The following ARAP2 variants were observed in gnomAD, a reference collection of about 807,000 sequenced individuals.
ARAP2 encodes ArfGAP with RhoGAP domain, ankyrin repeat and PH domain 2.
In ARAP2, 148 loss-of-function variants were observed where a neutral mutation model predicts 194.5. That is an observed-to-expected ratio of 0.76 (90% CI 0.67 to 0.87). ARAP2 has a LOEUF of 0.87. Among genes scored for constraint, ARAP2 ranks in the 40% least tolerant of loss-of-function variants. The probability of loss-of-function intolerance (pLI) is 0.00; values close to 1 mark genes in which losing one functional copy is unlikely to be tolerated. For synonymous variants in ARAP2, 695 were observed against 683.5 expected, an observed-to-expected ratio of 1.02 and a Z score of -0.26; for missense variants, 2,128 against 1,989.7, an observed-to-expected ratio of 1.07 and a Z score of -1.32.
chr4:36,228,651 G>C lies in ARAP2; in HGVS notation c.836C>G (p.Ser279Cys). ...TCGATGTCTTAGCAGAAAAGATCGAGATGGTCTTGAAACCAACTTGCTACG... is the reference window on the plus strand; with the variant it reads ...TCGATGTCTTAGCAGAAAAGATCGACATGGTCTTGAAACCAACTTGCTACG... ...RSRSKLVSRP[S>C]RSFLLRHRPV... Residue 279 changes from serine (S) to cysteine (C), a missense_variant, in exon 2 of 33, where the codon TCT (serine) becomes TGT (cysteine). By Grantham distance (112) the Ser-to-Cys change is moderately radical (BLOSUM62 -1). Transcript: ENST00000303965. The C allele has an allele frequency of 1.2e-6, 2 of 1,614,086 alleles. No homozygotes were observed. The highest frequency in any genetic ancestry group is 1.7e-6 in the Non-Finnish European group (2 of 1,179,966).
chr4:36,117,981 C>A (rs903634697), intron 24 of ARAP2, among the ~76,000 whole-genome samples: 1 of 151,228 alleles, frequency 6.6e-6, no homozygotes, highest in Admixed American at 6.6e-5. Context: ...AACAGTATCA[C>A]CTGATTTAAA....
intron 2 of ARAP2, among the ~76,000 whole-genome samples, chr4:36,224,252 AAC>A (rs1487920180): frequency 6.6e-6 from 1 of 151,756 alleles, no homozygotes; most frequent in African/African-American, 2.4e-5. Context: ...AATAAATAAA[AAC>A]AGTTCTCACA....
chr4:36,147,734 A>C lies in ARAP2; in HGVS notation c.3013T>G (p.Leu1005Val). ...GCTTCTGTTAAGTTTTCAGCAAATA[A>C]GGGAACAAAATGCTGTTAAAACAAA... is the stretch of plus-strand genomic sequence containing the variant. ...TEAIAKHFVP[L>V]FAENLTEADY... Residue 1005 changes from leucine (L) to valine (V), a missense_variant, in exon 18 of 33, where the codon TTA (leucine) becomes GTA (valine). Coordinates refer to ENST00000303965, the MANE Select transcript of ARAP2 (RefSeq NM_015230.4). 6.2e-7 allele frequency: 1 copy of C among 1,606,626 alleles called. No individual in the cohort carries two copies.
At chr4:36,041,820 A>G (rs1354224495) in intron 5 of ARAP2, among the ~76,000 whole-genome samples, 1 of 152,214 alleles carries the variant, frequency 6.6e-6, no homozygotes, top group Non-Finnish European at 1.5e-5. Context: ...AGGTACATAT[A>G]CACCATGTAA....
At chr4:36,145,231 A>T (rs1426559011) in intron 19 of ARAP2, among the ~76,000 whole-genome samples, 1 of 151,994 alleles carries the variant, frequency 6.6e-6, no homozygotes, top group East Asian at 1.9e-4. Context: ...CTGAACTCAT[A>T]TGTTTATCAC....
chr4:36,022,455 C>A (rs1047228901), intron 5 of ARAP2, among the ~76,000 whole-genome samples: 1 of 151,998 alleles, frequency 6.6e-6, no homozygotes, highest in Admixed American at 6.6e-5. Context: ...ATGCTTTCAG[C>A]GAGCGGGGAG....
intron 20 of ARAP2, among the ~76,000 whole-genome samples, chr4:36,132,424 C>G (rs996264150): frequency 1.3e-5 from 2 of 151,746 alleles, no homozygotes; most frequent in Non-Finnish European, 2.9e-5. Context: ...TTCCTCTTTT[C>G]CACATTTGTG....
At chr4:36,156,285 A>T (rs921381817) in intron 15 of ARAP2, among the ~76,000 whole-genome samples, 2 of 139,198 alleles carry the variant, frequency 1.4e-5, no homozygotes, top group African/African-American at 5.3e-5. Flanking sequence ...AAGAAAAAGG[A>T]AGGAAGGAAA....
chr4:36,168,061 G>T (rs1021320750), intron 9 of ARAP2, among the ~76,000 whole-genome samples: 3 of 151,158 alleles, frequency 2.0e-5, no homozygotes, highest in Non-Finnish European at 4.4e-5. Context: ...ACTTGTTAGA[G>T]ACTGTGAAAG....
intron 21 of ARAP2, among the ~76,000 whole-genome samples, chr4:36,128,103 T>C (rs112752203): frequency 2.4e-4 from 37 of 152,088 alleles, no homozygotes; most frequent in African/African-American, 8.7e-4. Context: ...AATTGTTATA[T>C]ACACTAAAGA....
chr4:36,164,389 T>C (rs1312773270), intron 11 of ARAP2, among the ~76,000 whole-genome samples: 1 of 152,220 alleles, frequency 6.6e-6, no homozygotes, highest in East Asian at 1.9e-4. Flanking sequence ...TGTCAGGTTG[T>C]CCAGTGTGAG....
At chr4:36,227,734 C>T (rs980666762) in intron 2 of ARAP2, among the ~76,000 whole-genome samples, 9 of 152,078 alleles carry the variant, frequency 5.9e-5, no homozygotes, top group African/African-American at 2.2e-4. Flanking sequence ...TGAACAGCCT[C>T]GTGTCTCAGC....
intron 21 of ARAP2, among the ~76,000 whole-genome samples, chr4:36,126,048 T>C (rs1446245428): frequency 6.6e-6 from 1 of 151,952 alleles, no homozygotes; most frequent in Non-Finnish European, 1.5e-5. Flanking sequence ...AAATTGCAAG[T>C]GATATCTCTT....
chr4:36,239,566 AT>A (rs1037823422), intron 1 of ARAP2, among the ~76,000 whole-genome samples: 1 of 152,234 alleles, frequency 6.6e-6, no homozygotes, highest in African/African-American at 2.4e-5. Flanking sequence ...TACATAAGGT[AT>A]CTACCGTAGT....
chr4:36,021,348 C>T (rs893247110), intron 5 of ARAP2, among the ~76,000 whole-genome samples: 2 of 152,214 alleles, frequency 1.3e-5, no homozygotes, highest in Non-Finnish European at 2.9e-5. Context: ...ATTCAAATCT[C>T]ATGTTCAATT....
chr4:36,019,912 T>C (rs1301308879), intron 5 of ARAP2, among the ~76,000 whole-genome samples: 1 of 152,160 alleles, frequency 6.6e-6, no homozygotes, highest in Admixed American at 6.5e-5. Context: ...TCAGTGGATG[T>C]CTGAAACCTC....
At chr4:36,118,245 C>A (rs1577952272) in intron 24 of ARAP2, among the ~76,000 whole-genome samples, 1 of 144,382 alleles carries the variant, frequency 6.9e-6, no homozygotes, top group African/African-American at 2.5e-5. Context: ...ACTATGTTTG[C>A]ATAAACAGCT....
chr4:36,215,513 T>C (rs1411115815), intron 2 of ARAP2, among the ~76,000 whole-genome samples: 1 of 152,178 alleles, frequency 6.6e-6, no homozygotes, highest in South Asian at 2.1e-4. Flanking sequence ...AGAAAAATCA[T>C]TGTAACATCT....
intron 7 of ARAP2, among the ~76,000 whole-genome samples, chr4:36,189,003 T>C (rs1741238231): frequency 6.6e-6 from 1 of 152,186 alleles, no homozygotes; most frequent in Non-Finnish European, 1.5e-5. Flanking sequence ...CCTGACTTTA[T>C]TTATCCATCA....
Sources: gnomAD v4.1 joint callset for allele counts (sites outside exome capture counted in the v4.1 genomes callset) on GRCh38, gnomAD v4.1.1 for gene constraint, MANE v1.5 for transcripts, NCBI Gene and HGNC (gene_info 2026-07-23, HGNC 2026-07-21) for gene names.